The following GALNT18 variants were observed in gnomAD, a reference collection of about 807,000 sequenced individuals.
GALNT18 encodes the protein polypeptide N-acetylgalactosaminyltransferase 18, also known as GalNAc-transferase 18.
A neutral mutation model predicts 69.5 loss-of-function variants in GALNT18; 44 were observed. That is an observed-to-expected ratio of 0.63 (90% confidence interval 0.50 to 0.81). The LOEUF (loss-of-function observed/expected upper bound fraction) is 0.81. Ranked by LOEUF, GALNT18 falls within the 40% of genes least tolerant of loss-of-function variation. GALNT18 has a pLI of 0.00. For synonymous variants in GALNT18, 364 were observed against 318.2 expected (o/e 1.14, Z -1.53); for missense variants, 715 against 810.0 (o/e 0.88, Z 1.42).
At chr11:11,490,973 T>C (rs775665751) in intron 1 of GALNT18, among the ~76,000 whole-genome samples, 53 of 152,072 alleles carry the variant, frequency 3.5e-4, no homozygotes, top group Non-Finnish European at 4.0e-4. Context: ...TGGAAGATAG[T>C]GGAGGTGTGG....
chr11:11,504,816 G>A lies in GALNT18; in HGVS notation c.236-55880C>T, dbSNP rs147485333. Among the ~76,000 whole-genome samples, 3 of 152,092 alleles carry A rather than the reference G, an allele frequency of 2.0e-5. No individual in the cohort carries two copies. The East Asian group carries it at 5.8e-4, about 29-fold the overall frequency. On this transcript the variant is annotated intron_variant, in intron 1 of 10. Transcript: ENST00000227756. ...TTTAATGAGAGCCTATACTTGCTAG[G>A]CAAGAGGGGCAATTTACTGAGTGCC...
At position 11,448,812 on chromosome 11, in the gene GALNT18, G is replaced by C; in HGVS notation, c.360C>G (p.Tyr120Ter). The C allele has an allele frequency of 1.9e-6, 3 of 1,613,428 alleles. No homozygotes were observed. The highest frequency in any genetic ancestry group is 1.1e-5 in the South Asian group (1 of 91,038). Reference sequence around the variant, plus strand: ...GGTCGCTGAGGTAGGCGTTGTAGCCGTAGTACTGGAATTGCTTCAGGGCCA... The same window carrying C: ...GGTCGCTGAGGTAGGCGTTGTAGCCCTAGTACTGGAATTGCTTCAGGGCCA... ...RRVALKQFQY[Y>*]GYNAYLSDRL... is the part of the protein sequence containing the mutation. Residue 120 changes from tyrosine to a stop codon, truncating the protein, a stop_gained, in exon 2 of 11, where the codon TAC (tyrosine) becomes TAG (stop). Transcript: ENST00000227756. LOFTEE classifies it high-confidence loss of function.
In GALNT18 at chr11:11,538,415, C is replaced by T. The variant is rs1857833753; in HGVS notation, c.235+82944G>A. 6.6e-6 allele frequency among the ~76,000 whole-genome samples: 1 copy of T among 152,218 alleles called. No individual in the cohort carries two copies. ...CTGAGCCACCCGGGGTGTCTGTCCC[C>T]AGACGTGGACACCAGCCAACATGCT... On this transcript the variant is annotated intron_variant, in intron 1 of 10. Transcript: ENST00000227756. The surrounding 1 kb of genome is among the most constrained non-coding windows in gnomAD (Gnocchi z 5.2).
At chr11:11,398,822 A>T (rs7950646) in intron 3 of GALNT18, among the ~76,000 whole-genome samples, 4 of 152,186 alleles carry the variant, frequency 2.6e-5, no homozygotes, top group Admixed American at 6.5e-5. Flanking sequence ...AGATTTCTTA[A>T]GAGTGGAAGA....
In GALNT18 at chr11:11,297,512, T is replaced by C. The variant is rs555771865; in HGVS notation, c.1513-4319A>G. ...CACTCACCTCCCTTGCCCACCTCCC[T>C]GGGGTCACTCCAGCTCCAGCCTCCA... On this transcript the variant is annotated intron_variant, in intron 9 of 10. Coordinates refer to ENST00000227756, the MANE Select transcript of GALNT18 (RefSeq NM_198516.3). Among the ~76,000 whole-genome samples the C allele has an allele frequency of 8.2e-4, 125 of 152,234 alleles. 1 individual carries two copies. Among genetic ancestry groups the C allele is most frequent in the Middle Eastern group, 6.8e-3 (2 of 294 alleles).
At chr11:11,296,915 C>T (rs749727119) in intron 9 of GALNT18, among the ~76,000 whole-genome samples, 2 of 152,174 alleles carry the variant, frequency 1.3e-5, no homozygotes, top group Non-Finnish European at 2.9e-5. Context: ...ACAAATTGCT[C>T]GAACACAAAA....
At chr11:11,312,390 A>G (rs1038855901) in intron 9 of GALNT18, among the ~76,000 whole-genome samples, 18 of 152,346 alleles carry the variant, frequency 1.2e-4, no homozygotes, top group African/African-American at 4.1e-4. Flanking sequence ...AAAGTAAGCT[A>G]GAGAAAAGAA....
chr11:11,431,038 C>G (rs1347408348), intron 3 of GALNT18, among the ~76,000 whole-genome samples: 1 of 152,196 alleles, frequency 6.6e-6, no homozygotes. Context: ...TTCTCAGACT[C>G]AATATCAGCT....
At chr11:11,281,571 C>A (rs1038872714) in intron 10 of GALNT18, among the ~76,000 whole-genome samples, 1 of 152,176 alleles carries the variant, frequency 6.6e-6, no homozygotes, top group Non-Finnish European at 1.5e-5. Context: ...GAAACACGTC[C>A]CGCACAGAAG....
intron 1 of GALNT18, among the ~76,000 whole-genome samples, chr11:11,535,971 G>A (rs909374245): frequency 1.3e-5 from 2 of 152,158 alleles, no homozygotes; most frequent in African/African-American, 4.8e-5. Flanking sequence ...CCCATGTAGA[G>A]GGTGGTCCCT....
chr11:11,578,262 C>G (rs1479308309), intron 1 of GALNT18, among the ~76,000 whole-genome samples: 1 of 150,088 alleles, frequency 6.7e-6, no homozygotes, highest in African/African-American at 2.5e-5. Context: ...GGGGCTGACG[C>G]TCCTGCAGGT....
intron 2 of GALNT18, among the ~76,000 whole-genome samples, chr11:11,442,789 C>T (rs139019035): frequency 2.5e-4 from 38 of 152,324 alleles, no homozygotes; most frequent in East Asian, 7.7e-4. Flanking sequence ...CCTAGCCCCA[C>T]GCCCTAACCC....
chr11:11,395,503 C>T (rs1281964288), intron 3 of GALNT18, among the ~76,000 whole-genome samples: 1 of 152,200 alleles, frequency 6.6e-6, no homozygotes, highest in Non-Finnish European at 1.5e-5. Context: ...GAAACTGAGA[C>T]CCAGAGCCTA....
intron 2 of GALNT18, among the ~76,000 whole-genome samples, chr11:11,434,687 C>G (rs1427567378): frequency 6.6e-6 from 1 of 151,946 alleles, no homozygotes; most frequent in Non-Finnish European, 1.5e-5. Flanking sequence ...AGTGCTGTGG[C>G]TGGAGAGGAG....
At chr11:11,545,656 T>A (rs1858038016) in intron 1 of GALNT18, among the ~76,000 whole-genome samples, 1 of 152,142 alleles carries the variant, frequency 6.6e-6, no homozygotes, top group Non-Finnish European at 1.5e-5. Context: ...GAAAAACCAC[T>A]AAAAAGCGTT....
chr11:11,602,527 A>C lies in GALNT18; in HGVS notation c.235+18832T>G, dbSNP rs1254068140. ...TGTTTTATTGAGCTGGAATTGGGGGAGGAAGGGCAATTATGGCTCAAATGT... is the reference window on the plus strand; with the variant it reads ...TGTTTTATTGAGCTGGAATTGGGGGCGGAAGGGCAATTATGGCTCAAATGT... On this transcript the variant is annotated intron_variant, in intron 1 of 10. Transcript: ENST00000227756. The surrounding 1 kb of genome is among the most constrained non-coding windows in gnomAD (Gnocchi z 4.7). 1.3e-5 allele frequency among the ~76,000 whole-genome samples: 2 copies of C among 152,114 alleles called. No individual in the cohort carries two copies. Among genetic ancestry groups the C allele is most frequent in the Admixed American group, 6.5e-5 (1 of 15,274 alleles).
chr11:11,457,711 G>A (rs1855954840), intron 1 of GALNT18, among the ~76,000 whole-genome samples: 1 of 152,206 alleles, frequency 6.6e-6, no homozygotes, highest in African/African-American at 2.4e-5. Context: ...TGTGCACCTA[G>A]GGATGTGCTC....
chr11:11,525,977 G>C lies in GALNT18; in HGVS notation c.236-77041C>G, dbSNP rs544071597. Among the ~76,000 whole-genome samples, 12 of 152,260 alleles carry C rather than the reference G, an allele frequency of 7.9e-5. No homozygotes were observed. In the East Asian group the frequency reaches 2.3e-3, roughly 29 times the overall value. On this transcript the variant is annotated intron_variant, in intron 1 of 10. Transcript: ENST00000227756. ...GTGTCACTGCAACATGCTAATGGGG[G>C]TGACCAGTTGGCAATTGGAAGACAC... is the stretch of plus-strand genomic sequence containing the variant.
intron 3 of GALNT18, among the ~76,000 whole-genome samples, chr11:11,385,445 G>A (rs533655627): frequency 3.4e-4 from 51 of 152,114 alleles, no homozygotes; most frequent in Middle Eastern, 3.4e-3. Flanking sequence ...ACAGGCGCTC[G>A]CCACCACATC....
Sources: gnomAD v4.1 joint callset for allele counts (sites outside exome capture counted in the v4.1 genomes callset) on GRCh38, gnomAD v4.1.1 for gene constraint, Gnocchi (gnomAD v3.1) non-coding constraint, MANE v1.5 for transcripts, NCBI Gene and HGNC (gene_info 2026-07-23, HGNC 2026-07-21) for gene names.